The following PIEZO2 variants were observed in gnomAD, a reference collection of about 807,000 sequenced individuals.
PIEZO2 encodes the protein piezo-type mechanosensitive ion channel component 2.
In PIEZO2, 172 loss-of-function variants were observed where a neutral mutation model predicts 337.3. The ratio of observed to expected loss-of-function variants is 0.51; its 90% confidence interval spans 0.45 to 0.58. The LOEUF (loss-of-function observed/expected upper bound fraction) is 0.58. Ranked by LOEUF, PIEZO2 falls within the 20% of genes least tolerant of loss-of-function variation. The pLI, the probability that PIEZO2 is intolerant of heterozygous loss-of-function variation, is 0.00. For synonymous variants in PIEZO2, 1,251 were observed against 1,228.5 expected, an observed-to-expected ratio of 1.02 and a Z score of -0.38; for missense variants, 3,028 against 3,391.3, an observed-to-expected ratio of 0.89 and a Z score of 2.66.
intron 5 of PIEZO2, among the ~76,000 whole-genome samples, chr18:10,866,941 T>C (rs1473792753): frequency 2.0e-5 from 3 of 152,216 alleles, no homozygotes; most frequent in Admixed American, 6.5e-5. Flanking sequence ...TTGAGGTATG[T>C]ATGACAGGAA....
At chr18:10,693,347 A>G (rs2034934425) in intron 47 of PIEZO2, among the ~76,000 whole-genome samples, 1 of 116,664 alleles carries the variant, frequency 8.6e-6, no homozygotes, top group Admixed American at 9.9e-5. Context: ...TTGCTTTCCA[A>G]TCTGGATTTT....
At chr18:10,820,283 C>G (rs2040483799) in intron 7 of PIEZO2, among the ~76,000 whole-genome samples, 1 of 150,734 alleles carries the variant, frequency 6.6e-6, no homozygotes. Context: ...ACATCTTTCT[C>G]CAGTTATACT....
chr18:11,058,169 C>T (rs545122057), intron 2 of PIEZO2, among the ~76,000 whole-genome samples: 127 of 152,298 alleles, frequency 8.3e-4, no homozygotes, highest in Non-Finnish European at 1.5e-3. Context: ...CTGCAGCCTC[C>T]GCTGCTGTTA....
Position 10,803,929 on chromosome 18 carries a change from C to T in PIEZO2, c.1146G>A (p.Ala382=), listed in dbSNP as rs763345529. 7.9e-5 allele frequency: 121 copies of T among 1,537,334 alleles called. No homozygotes were observed. The highest frequency in any genetic ancestry group is 1.7e-4 in the Middle Eastern group (1 of 5,990). Residue 382 remains alanine, a synonymous_variant, in exon 9 of 56, where the codon GCG becomes GCA. Transcript: ENST00000674853. ...ALACSPIQIT[A]GRRRSLWYAT... Reference sequence around the variant, plus strand: ...CGTACCACAGGCTCCGCCTCCTCCCCGCTGTTATTTGGATGGGGCTACAAG... The same window carrying T: ...CGTACCACAGGCTCCGCCTCCTCCCTGCTGTTATTTGGATGGGGCTACAAG...
At chr18:10,817,755 C>G (rs551236741) in intron 7 of PIEZO2, among the ~76,000 whole-genome samples, 1 of 151,942 alleles carries the variant, frequency 6.6e-6, no homozygotes, top group Non-Finnish European at 1.5e-5. Context: ...AACCCAGTCT[C>G]TACTAAAAAT....
In PIEZO2 at chr18:10,863,154, C is replaced by T. The variant is rs2041919455; in HGVS notation, c.493-5943G>A. Among the ~76,000 whole-genome samples, 1 of 152,068 alleles carries T rather than the reference C, an allele frequency of 6.6e-6. No individual in the cohort carries two copies. Among genetic ancestry groups the T allele is most frequent in the South Asian group, 2.1e-4 (1 of 4,824 alleles). ...TTCATTGTTTATTATTAAAAGTTAA[C>T]AATTTATCTTAACAGAATGGGTTCA... On this transcript the variant is annotated intron_variant, in intron 5 of 55. Transcript: ENST00000674853. This position sits in a 1 kb window ranked among gnomAD's most constrained non-coding sequence, Gnocchi z 4.3.
intron 4 of PIEZO2, among the ~76,000 whole-genome samples, chr18:10,882,829 AT>A (rs1460893811): frequency 1.2e-5 from 1 of 83,362 alleles, no homozygotes; most frequent in Admixed American, 1.6e-4. Context: ...TATGTACCAC[AT>A]TTTCTTTTTT....
intron 2 of PIEZO2, among the ~76,000 whole-genome samples, chr18:10,995,990 C>A (rs1016669020): frequency 1.3e-5 from 2 of 152,052 alleles, no homozygotes; most frequent in Admixed American, 6.6e-5. Flanking sequence ...ACTAAAATAT[C>A]TTGTGTATTT....
rs1228822084 is a variant in PIEZO2 at position 11,116,774 on chromosome 18, A to G, written c.64+31751T>C. 6.6e-6 allele frequency among the ~76,000 whole-genome samples: 1 copy of G among 151,406 alleles called. No individual in the cohort carries two copies. The highest frequency in any genetic ancestry group is 2.4e-5 in the African/African-American group (1 of 41,158). ...TATCTACTGAATGTTACTCCATCTA[A>G]CTGTATAGCACAGTAGGGTGACTAT... On this transcript the variant is annotated intron_variant, in intron 1 of 55. Transcript: ENST00000674853. This position sits in a 1 kb window ranked among gnomAD's most constrained non-coding sequence, Gnocchi z 5.0.
At chr18:11,058,850 G>A (rs1383356198) in intron 2 of PIEZO2, among the ~76,000 whole-genome samples, 1 of 152,196 alleles carries the variant, frequency 6.6e-6, no homozygotes, top group Admixed American at 6.5e-5. Flanking sequence ...TTATACAGAA[G>A]AACTTCCCCA....
Position 10,715,684 on chromosome 18 carries a change from A to G in PIEZO2, c.5222T>C (p.Ile1741Thr). 4 of 1,536,126 alleles carry G rather than the reference A, an allele frequency of 2.6e-6. No homozygotes were observed. The highest frequency in any genetic ancestry group is 1.7e-4 in the Middle Eastern group (1 of 5,990). ...EHIDISTVLR[I>T]ERCMLTREIK... is the part of the protein sequence containing the mutation. ...TTCTCTGGTCAGCATGCATCGTTCA[A>G]TTCTCAGAACTGTAGATATATCAAT... Residue 1741 changes from isoleucine (I) to threonine (T), a missense_variant, in exon 38 of 56, where the codon ATT (isoleucine) becomes ACT (threonine). Around this residue, in one of 5 missense-constraint regions of PIEZO2, gnomAD observed 1,925 missense variants for 2,051.9 expected, o/e 0.94. Coordinates refer to ENST00000674853, the MANE Select transcript of PIEZO2 (RefSeq NM_001378183.1).
chr18:10,950,160 A>G (rs1377257897), intron 3 of PIEZO2, among the ~76,000 whole-genome samples: 1 of 152,228 alleles, frequency 6.6e-6, no homozygotes, highest in East Asian at 1.9e-4. Context: ...ATTATGAATT[A>G]TAGTTTAACT....
chr18:11,113,640 A>G (rs1056278189), intron 1 of PIEZO2, among the ~76,000 whole-genome samples: 3 of 152,136 alleles, frequency 2.0e-5, no homozygotes, highest in African/African-American at 2.4e-5. Context: ...CTCTACCACA[A>G]TAGTCTTTTC....
intron 2 of PIEZO2, among the ~76,000 whole-genome samples, chr18:10,985,770 C>G (rs2034845586): frequency 6.6e-6 from 1 of 151,564 alleles, no homozygotes; most frequent in Non-Finnish European, 1.5e-5. Context: ...CATACCACTA[C>G]AAAAATCATC....
chr18:11,106,725 AAG>A (rs1199169194), intron 1 of PIEZO2, among the ~76,000 whole-genome samples: 1 of 152,120 alleles, frequency 6.6e-6, no homozygotes, highest in Non-Finnish European at 1.5e-5. Context: ...GGCAGTGGAC[AAG>A]GACAGTGGCA....
At chr18:10,985,992 A>G (rs1389618554) in intron 2 of PIEZO2, among the ~76,000 whole-genome samples, 8 of 152,030 alleles carry the variant, frequency 5.3e-5, no homozygotes, top group Admixed American at 3.3e-4. Context: ...AACACACTTT[A>G]TGGACACACA....
intron 1 of PIEZO2, among the ~76,000 whole-genome samples, chr18:11,145,583 G>T (rs1324059484): frequency 6.6e-6 from 1 of 152,156 alleles, no homozygotes; most frequent in African/African-American, 2.4e-5. Flanking sequence ...GATTCTAATG[G>T]CAAGCAGACC....
At chr18:10,811,576 G>C (rs1443022131) in intron 7 of PIEZO2, among the ~76,000 whole-genome samples, 1 of 152,148 alleles carries the variant, frequency 6.6e-6, no homozygotes, top group Non-Finnish European at 1.5e-5. Context: ...GGAATTTTCA[G>C]AGAAAAATCA....
intron 28 of PIEZO2, among the ~76,000 whole-genome samples, chr18:10,751,056 C>G (rs987529072): frequency 5.3e-5 from 8 of 152,130 alleles, no homozygotes; most frequent in Admixed American, 4.6e-4. Flanking sequence ...GAAGCCTGTT[C>G]CCAGCTTATC....
Sources: allele counts gnomAD v4.1 joint callset (sites outside exome capture counted in the v4.1 genomes callset), GRCh38; gene constraint gnomAD v4.1.1; regional missense constraint gnomAD v4.1.1; non-coding constraint Gnocchi (gnomAD v3.1); transcripts MANE v1.5; gene names NCBI Gene and HGNC (gene_info 2026-07-23, HGNC 2026-07-21).